CFDP1: variants seen among roughly 807,000 people sequenced by gnomAD.
The protein encoded by CFDP1 is heterochromatin-stabilizing protein CFDP1.
A neutral mutation model predicts 40.1 loss-of-function variants in CFDP1; 31 were observed. That is an observed-to-expected ratio of 0.77 (90% CI 0.58 to 1.04). CFDP1 has a LOEUF of 1.04. CFDP1 is among the 50% of genes least tolerant of loss of function. CFDP1 has a pLI of 0.00. For missense variants in CFDP1, 423 were observed against 343.4 expected, an observed-to-expected ratio of 1.23 and a Z score of -1.83; for synonymous variants, 167 against 120.0, an observed-to-expected ratio of 1.39 and a Z score of -2.56.
At chr16:75,389,561 C>G (rs1295781621) in intron 5 of CFDP1, among the ~76,000 whole-genome samples, 1 of 152,162 alleles carries the variant, frequency 6.6e-6, no homozygotes, top group Non-Finnish European at 1.5e-5. Flanking sequence ...ATGTTTTACT[C>G]TCCTGCTCTG....
intron 1 of CFDP1, among the ~76,000 whole-genome samples, chr16:75,426,430 GGC>G (rs1466171891): frequency 3.3e-5 from 5 of 151,952 alleles, no homozygotes; most frequent in African/African-American, 4.8e-5. Context: ...TCCCGAGTTA[GGC>G]AAAAAAGAGT....
intron 5 of CFDP1, among the ~76,000 whole-genome samples, chr16:75,332,159 C>T (rs1165223093): frequency 6.6e-6 from 1 of 152,076 alleles, no homozygotes; most frequent in East Asian, 1.9e-4. Context: ...AGACAGACCC[C>T]ACCCTCTACG....
At chr16:75,429,295 G>A (rs2079381574) in intron 1 of CFDP1, among the ~76,000 whole-genome samples, 1 of 152,108 alleles carries the variant, frequency 6.6e-6, no homozygotes. Flanking sequence ...TTCCAACCTA[G>A]AATTCAAACA....
chr16:75,379,522 T>C (rs1439971233), intron 5 of CFDP1, among the ~76,000 whole-genome samples: 1 of 152,150 alleles, frequency 6.6e-6, no homozygotes, highest in African/African-American at 2.4e-5. Flanking sequence ...AAGAGCCCTG[T>C]AACTATTAAG....
At chr16:75,401,043 C>T (rs7193299) in intron 4 of CFDP1, among the ~76,000 whole-genome samples, 9,342 of 152,218 alleles carry the variant, frequency 0.061, 318 homozygotes, top group Middle Eastern at 0.13. Flanking sequence ...CACCTGTAAT[C>T]CCAGCACTTT....
At chr16:75,410,264 T>C (rs1373830509) in intron 4 of CFDP1, among the ~76,000 whole-genome samples, 2 of 152,062 alleles carry the variant, frequency 1.3e-5, no homozygotes, top group African/African-American at 2.4e-5. Flanking sequence ...GCCTATAAAA[T>C]TATTGATTGG....
intron 1 of CFDP1, among the ~76,000 whole-genome samples, chr16:75,432,264 G>A (rs1391348735): frequency 6.7e-6 from 1 of 149,452 alleles, no homozygotes; most frequent in East Asian, 2.0e-4. Flanking sequence ...GCCGGGGCGC[G>A]GTGGCTCATG....
chr16:75,300,578 T>A (rs2151498368), intron 6 of CFDP1, among the ~76,000 whole-genome samples: 1 of 152,294 alleles, frequency 6.6e-6, no homozygotes, highest in South Asian at 2.1e-4. Context: ...TGAGCCACCA[T>A]GCCTGGCCCC....
At chr16:75,319,700 C>T (rs1387801666) in intron 5 of CFDP1, among the ~76,000 whole-genome samples, 2 of 152,150 alleles carry the variant, frequency 1.3e-5, no homozygotes, top group Non-Finnish European at 2.9e-5. Flanking sequence ...CCAGAGGCAG[C>T]TTCCACTTCT....
intron 4 of CFDP1, among the ~76,000 whole-genome samples, chr16:75,403,990 G>A (rs1013524523): frequency 6.6e-6 from 1 of 151,626 alleles, no homozygotes; most frequent in African/African-American, 2.4e-5. Flanking sequence ...AACTTGGCCG[G>A]GTGCAGTGGC....
intron 5 of CFDP1, among the ~76,000 whole-genome samples, chr16:75,315,417 G>A (rs2078318156): frequency 6.6e-6 from 1 of 151,214 alleles, no homozygotes; most frequent in Non-Finnish European, 1.5e-5. Context: ...ACGAGAAATG[G>A]GGCGCTGGCA....
chr16:75,431,936 G>A (rs1272734177), intron 1 of CFDP1, among the ~76,000 whole-genome samples: 4 of 148,180 alleles, frequency 2.7e-5, no homozygotes, highest in Non-Finnish European at 6.0e-5. Context: ...TTTTGAGACG[G>A]AGTCTCGCTC....
intron 5 of CFDP1, among the ~76,000 whole-genome samples, chr16:75,330,435 A>G (rs1597335587): frequency 2.6e-5 from 4 of 152,244 alleles, no homozygotes; most frequent in Admixed American, 2.6e-4. Flanking sequence ...AAAAATACAA[A>G]AAAATTAGCC....
chr16:75,394,531 A>C (rs552422132), intron 5 of CFDP1, among the ~76,000 whole-genome samples: 1 of 152,114 alleles, frequency 6.6e-6, no homozygotes, highest in Non-Finnish European at 1.5e-5. Context: ...CAGAAGGCTG[A>C]TATTTTCATT....
intron 5 of CFDP1, among the ~76,000 whole-genome samples, chr16:75,370,915 T>C (rs2078746893): frequency 6.6e-6 from 1 of 152,134 alleles, no homozygotes; most frequent in African/African-American, 2.4e-5. Context: ...AGAAATCAAC[T>C]CACTTGCAAA....
intron 5 of CFDP1, among the ~76,000 whole-genome samples, chr16:75,340,054 T>A (rs1008233083): frequency 5.3e-5 from 8 of 152,228 alleles, no homozygotes; most frequent in Non-Finnish European, 1.2e-4. Context: ...GACAGACTCC[T>A]CTAGTTACTG....
intron 4 of CFDP1, among the ~76,000 whole-genome samples, chr16:75,399,776 G>A (rs1340479165): frequency 6.6e-6 from 1 of 152,106 alleles, no homozygotes; most frequent in Non-Finnish European, 1.5e-5. Context: ...TGAGCCCTGG[G>A]CAACATGGCA....
intron 1 of CFDP1, among the ~76,000 whole-genome samples, chr16:75,427,931 A>G (rs11861810): frequency 0.52 from 78,604 of 152,138 alleles, 21,375 homozygotes; most frequent in Admixed American, 0.64. Flanking sequence ...GACATGTGCA[A>G]CAACACAGGT....
At position 75,375,705 on chromosome 16, in the gene CFDP1, C is replaced by T. The variant is rs2078787508; in HGVS notation, c.650+19385G>A. Among the ~76,000 whole-genome samples the T allele has an allele frequency of 2.0e-5, 3 of 150,764 alleles. No individual in the cohort carries two copies. The South Asian group carries it at 6.3e-4, about 32-fold the overall frequency. On this transcript the variant is annotated intron_variant, in intron 5 of 6. Transcript: ENST00000283882. ...TACTCCAAGGCTGAGACAGGAGAAT[C>T]GTTTAAACCCCAGAGGTGGAGGTTG...
Sources: allele counts gnomAD v4.1 joint callset (sites outside exome capture counted in the v4.1 genomes callset), GRCh38; gene constraint gnomAD v4.1.1; transcripts MANE v1.5; gene names NCBI Gene and HGNC (gene_info 2026-07-23, HGNC 2026-07-21).